NFATC3: variants seen among roughly 807,000 people sequenced by gnomAD.
The protein encoded by NFATC3 is nuclear factor of activated T-cells, cytoplasmic 3.
Under a neutral mutation model 98.6 loss-of-function variants are expected in NFATC3, and 46 were observed. The observed-to-expected ratio is 0.47, with a 90% confidence interval of 0.37 to 0.60. The LOEUF is 0.60. Ranked by LOEUF, NFATC3 falls within the 20% of genes least tolerant of loss-of-function variation. NFATC3 has a pLI of 0.00. For synonymous variants in NFATC3, 512 were observed against 472.2 expected, an observed-to-expected ratio of 1.08 and a Z score of -1.09; for missense variants, 1,256 against 1,295.5, an observed-to-expected ratio of 0.97 and a Z score of 0.47.
At chr16:68,137,541 G>C (rs2037489047) in intron 3 of NFATC3, among the ~76,000 whole-genome samples, 1 of 151,584 alleles carries the variant, frequency 6.6e-6, no homozygotes, top group Non-Finnish European at 1.5e-5. Flanking sequence ...TTTGACTGTC[G>C]TTTCTCTTTC....
At chr16:68,185,402 C>A (rs988994324) in intron 8 of NFATC3, among the ~76,000 whole-genome samples, 1 of 152,118 alleles carries the variant, frequency 6.6e-6, no homozygotes, top group African/African-American at 2.4e-5. Context: ...GTATGCATCT[C>A]CTCCAGAATG....
chr16:68,146,404 C>T (rs1165403540), intron 3 of NFATC3, among the ~76,000 whole-genome samples: 2 of 148,810 alleles, frequency 1.3e-5, no homozygotes, highest in African/African-American at 5.0e-5. Context: ...ACCTTGTCTC[C>T]CAAAAGAAAA....
chr16:68,220,812 G>A (rs1307624940), intron 9 of NFATC3, among the ~76,000 whole-genome samples: 3 of 151,508 alleles, frequency 2.0e-5, no homozygotes, highest in Admixed American at 6.6e-5. Flanking sequence ...CCAGCTACTC[G>A]GGAGGCTGAG....
chr16:68,208,764 A>T (rs2041253714), intron 9 of NFATC3, among the ~76,000 whole-genome samples: 1 of 151,872 alleles, frequency 6.6e-6, no homozygotes. Context: ...TTGTTTTCTT[A>T]ATTTTTTTTG....
intron 6 of NFATC3, among the ~76,000 whole-genome samples, chr16:68,177,452 A>G (rs1156786541): frequency 2.0e-5 from 3 of 152,112 alleles, no homozygotes; most frequent in Non-Finnish European, 4.4e-5. Flanking sequence ...CTGGAGTTAT[A>G]TCCCCCCACT....
At chr16:68,153,836 A>G (rs958742343) in intron 3 of NFATC3, among the ~76,000 whole-genome samples, 6 of 151,522 alleles carry the variant, frequency 4.0e-5, no homozygotes, top group South Asian at 2.1e-4. Context: ...GATGGTCTCG[A>G]TCTCCTGACC....
In NFATC3 at chr16:68,159,951, G is replaced by A. The variant is rs560490529; in HGVS notation, c.1601+1883G>A. ...AAATTACCTGGGTGTGGTGGCGGGT[G>A]TCTGTAATCCCAGCTACTCAGGAGG... is the stretch of plus-strand genomic sequence containing the variant. On this transcript the variant is annotated intron_variant, in intron 4 of 9. Coordinates refer to ENST00000346183, the MANE Select transcript of NFATC3 (RefSeq NM_173165.3). Among the ~76,000 whole-genome samples the A allele has an allele frequency of 1.2e-4, 18 of 151,964 alleles. No individual in the cohort carries two copies. In the South Asian group the frequency reaches 3.5e-3, roughly 30 times the overall value.
intron 9 of NFATC3, among the ~76,000 whole-genome samples, chr16:68,206,264 A>G (rs1436923172): frequency 1.3e-5 from 2 of 152,318 alleles, no homozygotes; most frequent in East Asian, 1.9e-4. Context: ...AAAATTTACC[A>G]TTTTAATCAT....
At chr16:68,144,782 C>A (rs746443087) in intron 3 of NFATC3, among the ~76,000 whole-genome samples, 2 of 152,080 alleles carry the variant, frequency 1.3e-5, no homozygotes, top group African/African-American at 2.4e-5. Flanking sequence ...CTCAGTCTTA[C>A]GAGTAGCTGG....
chr16:68,088,269 T>C (rs1455767151), intron 1 of NFATC3, among the ~76,000 whole-genome samples: 1 of 149,802 alleles, frequency 6.7e-6, no homozygotes, highest in Non-Finnish European at 1.5e-5. Flanking sequence ...GTCTGTATCT[T>C]TTTCAGTTAT....
intron 9 of NFATC3, among the ~76,000 whole-genome samples, chr16:68,219,773 C>T (rs776920803): frequency 1.4e-3 from 208 of 152,194 alleles, no homozygotes; most frequent in Non-Finnish European, 1.3e-3. Context: ...ATTAGAAAGG[C>T]CCGTTGGGAT....
chr16:68,122,257 A>T lies in NFATC3; in HGVS notation c.374A>T (p.Asp125Val). 1 of 1,614,182 alleles carries T rather than the reference A, an allele frequency of 6.2e-7. No homozygotes were observed. Residue 125 changes from aspartate (D) to valine (V), a missense_variant, in exon 2 of 10, where the codon GAT (aspartate) becomes GTT (valine). This residue lies in a region of NFATC3 where 464 missense variants were observed against 465.7 expected (regional missense o/e 1.00). Coordinates refer to ENST00000346183, the MANE Select transcript of NFATC3 (RefSeq NM_173165.3). ...SISPNCHQELDAHEDDLQIND... is the reference protein window; with the variant it reads ...SISPNCHQELVAHEDDLQIND... ...TCTCCTAACTGTCATCAAGAATTAG[A>T]TGCACATGAAGATGACCTACAGATA... is the stretch of plus-strand genomic sequence containing the variant.
intron 9 of NFATC3, among the ~76,000 whole-genome samples, chr16:68,206,216 GT>G (rs1358947423): frequency 4.6e-5 from 7 of 152,198 alleles, no homozygotes; most frequent in African/African-American, 1.7e-4. Flanking sequence ...TTCACACAAT[GT>G]TCTCCCATGA....
chr16:68,153,027 A>G (rs537909032), intron 3 of NFATC3, among the ~76,000 whole-genome samples: 1 of 152,362 alleles, frequency 6.6e-6, no homozygotes, highest in Non-Finnish European at 1.5e-5. Flanking sequence ...CATACTCATC[A>G]TGTCAAAACA....
At position 68,122,428 on chromosome 16, in the gene NFATC3, G is replaced by A. The variant is rs769299084; in HGVS notation, c.545G>A (p.Cys182Tyr). Reference protein sequence around the residue: ...SRSWFSDASSCESLSHIYDDV... With the variant: ...SRSWFSDASSYESLSHIYDDV... ...AGTTGGTTCTCTGATGCATCTTCTTGTGAATCGCTTTCACATATTTATGAT... is the reference window on the plus strand; with the variant it reads ...AGTTGGTTCTCTGATGCATCTTCTTATGAATCGCTTTCACATATTTATGAT... Residue 182 changes from cysteine (C) to tyrosine (Y), a missense_variant, in exon 2 of 10, where the codon TGT becomes TAT. This residue lies in a region of NFATC3 where 464 missense variants were observed against 465.7 expected (regional missense o/e 1.00). Coordinates refer to ENST00000346183, the MANE Select transcript of NFATC3 (RefSeq NM_173165.3). The A allele has an allele frequency of 4.3e-6, 7 of 1,614,108 alleles. No individual in the cohort carries two copies. In the Admixed American group the frequency reaches 8.3e-5, roughly 19 times the overall value.
At chr16:68,152,150 G>A (rs1049768519) in intron 3 of NFATC3, among the ~76,000 whole-genome samples, 35 of 150,094 alleles carry the variant, frequency 2.3e-4, no homozygotes, top group Middle Eastern at 6.9e-3. Flanking sequence ...ATCACTTGAG[G>A]TCAGGAGTTC....
At chr16:68,172,949 T>C (rs2151609537) in intron 5 of NFATC3, among the ~76,000 whole-genome samples, 1 of 152,230 alleles carries the variant, frequency 6.6e-6, no homozygotes, top group East Asian at 1.9e-4. Flanking sequence ...CCGTAAGCAC[T>C]GTTTATAGAA....
chr16:68,127,411 AG>A (rs1204814433), intron 3 of NFATC3, among the ~76,000 whole-genome samples: 5 of 152,188 alleles, frequency 3.3e-5, no homozygotes, highest in Admixed American at 3.3e-4. Context: ...GAATTTTTTA[AG>A]GAAAGAGATT....
chr16:68,087,454 A>G (rs1886770026), intron 1 of NFATC3, among the ~76,000 whole-genome samples: 2 of 152,238 alleles, frequency 1.3e-5, no homozygotes, highest in Non-Finnish European at 2.9e-5. Flanking sequence ...AACTTGATTT[A>G]TAACTGAAAT....
Sources: gnomAD v4.1 joint callset for allele counts (sites outside exome capture counted in the v4.1 genomes callset) on GRCh38, gnomAD v4.1.1 for gene constraint, gnomAD v4.1.1 regional missense constraint, MANE v1.5 for transcripts, NCBI Gene and HGNC (gene_info 2026-07-23, HGNC 2026-07-21) for gene names.